CP: variants seen among roughly 807,000 people sequenced by gnomAD.
CP encodes ceruloplasmin.
A neutral mutation model predicts 122.4 loss-of-function variants in CP; 64 were observed. The ratio of observed to expected loss-of-function variants is 0.52; its 90% CI spans 0.43 to 0.64. CP has a LOEUF of 0.64. Ranked by LOEUF, CP falls within the 30% of genes least tolerant of loss-of-function variation. CP has a pLI of 0.00. For synonymous variants in CP, 440 were observed against 436.4 expected, an observed-to-expected ratio of 1.01 and a Z score of -0.10; for missense variants, 1,167 against 1,284.4, an observed-to-expected ratio of 0.91 and a Z score of 1.40.
intron 7 of CP, 72 bp from the exon 8 acceptor site, chr3:149,199,936 TTTG>T: frequency 6.7e-7 from 1 of 1,490,338 alleles, no homozygotes; most frequent in Non-Finnish European, 9.3e-7. Flanking sequence ...AGTTATCTTC[TTTG>T]ACTGTGTTCT....
intron 1 of CP, among the ~76,000 whole-genome samples, chr3:149,219,482 T>C (rs1031498547): frequency 3.9e-5 from 6 of 152,172 alleles, no homozygotes; most frequent in African/African-American, 1.4e-4. Flanking sequence ...TCTCATGAGA[T>C]CTGATGGTTT....
chr3:149,179,583 A>G lies in CP; in HGVS notation c.2634T>C (p.Ala878=). The G allele has an allele frequency of 1.2e-6, 2 of 1,613,778 alleles. No homozygotes were observed. Among genetic ancestry groups the G allele is most frequent in the African/African-American group, 2.7e-5 (2 of 75,028 alleles). Residue 878 remains alanine, a synonymous_variant, in exon 15 of 19, where the codon GCT becomes GCC. Coordinates refer to ENST00000264613, the MANE Select transcript of CP (RefSeq NM_000096.4). ...GTEDSACIPW[A]YYSTVDQVKD... is the part of the protein sequence containing the mutation. ...TAACTTGATCCACAGTTGAATAATA[A>G]GCCCATGGAATACAAGCAGAATCCT...
intron 9 of CP, among the ~76,000 whole-genome samples, chr3:149,196,955 A>G (rs1057272393): frequency 2.0e-5 from 3 of 152,128 alleles, no homozygotes; most frequent in South Asian, 2.1e-4. Flanking sequence ...CACAAAAGAA[A>G]TGTAAATGGC....
intron 18 of CP, among the ~76,000 whole-genome samples, chr3:149,174,457 A>G (rs2108205797): frequency 6.6e-6 from 1 of 152,334 alleles, no homozygotes; most frequent in East Asian, 1.9e-4. Flanking sequence ...GAGATAGGGA[A>G]AAGAATGAGA....
intron 1 of CP, among the ~76,000 whole-genome samples, chr3:149,216,708 C>T (rs1450607369): frequency 6.6e-6 from 1 of 152,164 alleles, no homozygotes; most frequent in Non-Finnish European, 1.5e-5. Context: ...CGGTTCTAAC[C>T]AGCCTTCCTC....
At chr3:149,199,670 T>G (rs757228211) in intron 8 of CP, 42 bp downstream of exon 8, 22 of 1,611,754 alleles carry the variant, frequency 1.4e-5, no homozygotes, top group African/African-American at 2.7e-5. Context: ...TACAGTGGGT[T>G]ATTAAACATT....
At chr3:149,183,169 A>C (rs988414142) in intron 13 of CP, among the ~76,000 whole-genome samples, 7 of 152,166 alleles carry the variant, frequency 4.6e-5, no homozygotes, top group Admixed American at 4.6e-4. Flanking sequence ...ATTTCATTAG[A>C]AAATAGTTTC....
chr3:149,167,789 A>C (rs754939789), downstream of CP: 3 of 752,264 alleles, frequency 4.0e-6, no homozygotes, highest in Non-Finnish European at 7.3e-6. Context: ...AGACAAAATG[A>C]TGTATTTTTG....
intron 9 of CP, among the ~76,000 whole-genome samples, chr3:149,192,981 T>TAC (rs3070607): frequency 0.68 from 100,508 of 148,674 alleles, 35,254 homozygotes; most frequent in East Asian, 0.88. Flanking sequence ...TGATCCTGTA[T>TAC]ACACACACAC....
intron 9 of CP, among the ~76,000 whole-genome samples, chr3:149,196,695 C>T (rs897033403): frequency 3.3e-5 from 5 of 152,010 alleles, no homozygotes; most frequent in African/African-American, 9.7e-5. Flanking sequence ...TGTAACACAC[C>T]ACATATGCTT....
At chr3:149,219,868 G>A (rs917918101) in intron 1 of CP, among the ~76,000 whole-genome samples, 1 of 148,790 alleles carries the variant, frequency 6.7e-6, no homozygotes, top group Non-Finnish European at 1.5e-5. Context: ...TGACAGGAAG[G>A]TATGGGAAAG....
intron 9 of CP, among the ~76,000 whole-genome samples, chr3:149,195,997 C>T (rs868408398): frequency 2.0e-5 from 3 of 152,036 alleles, no homozygotes; most frequent in Admixed American, 1.3e-4. Context: ...TGAATTAACC[C>T]GTATATCCAG....
At chr3:149,180,890 C>T (rs1440898341) in intron 14 of CP, among the ~76,000 whole-genome samples, 1 of 152,142 alleles carries the variant, frequency 6.6e-6, no homozygotes, top group African/African-American at 2.4e-5. Flanking sequence ...TCCTCTCTTC[C>T]CTAACACTCC....
At chr3:149,199,419 CT>C (rs1685924940) in intron 8 of CP, among the ~76,000 whole-genome samples, 3 of 152,050 alleles carry the variant, frequency 2.0e-5, no homozygotes, top group Non-Finnish European at 1.5e-5. Flanking sequence ...CTTATAAGAA[CT>C]TTTTTAAAAA....
In CP at chr3:149,206,118, TG is replaced by T. The variant is rs371908601; in HGVS notation, c.1208+49del. 2.5e-5 allele frequency: 39 copies of T among 1,565,840 alleles called. No homozygotes were observed. The East Asian group carries it at 4.3e-4, about 17-fold the overall frequency. On this transcript the variant is annotated intron_variant, in intron 6 of 18. Coordinates refer to ENST00000264613, the MANE Select transcript of CP (RefSeq NM_000096.4). ...CTGAATTAGCCTTTTGTAGTTCCTT[TG>T]TGCGGGGGAGAGCATATTTTGAAAT... is the stretch of plus-strand genomic sequence containing the variant.
intron 6 of CP, among the ~76,000 whole-genome samples, chr3:149,203,614 G>GCTCCC (rs1727499658): frequency 6.6e-6 from 1 of 152,212 alleles, no homozygotes; most frequent in African/African-American, 2.4e-5. Context: ...AACAAAGTTG[G>GCTCCC]TATTATTCTC....
chr3:149,176,702 T>A, intron 17 of CP: 1 of 356,666 alleles, frequency 2.8e-6, no homozygotes, highest in Non-Finnish European at 5.2e-6. Context: ...CTGTTTGTCA[T>A]AGCACTTAAG....
downstream of CP, chr3:149,171,996 C>A: frequency 8.2e-7 from 1 of 1,224,352 alleles, no homozygotes; most frequent in South Asian, 1.2e-5. Flanking sequence ...TGAGCCACCA[C>A]GCCTGGCCTG....
chr3:149,215,919 G>T lies in CP; in HGVS notation c.147-3221C>A, dbSNP rs373709450. On this transcript the variant is annotated intron_variant, in intron 1 of 18. Coordinates refer to ENST00000264613, the MANE Select transcript of CP (RefSeq NM_000096.4). Reference sequence around the variant, plus strand: ...AGAAAAGCCCGCTCCTATAATTTCTGGTAGTCTTAGACCCAGAAATGAGTT... The same window carrying T: ...AGAAAAGCCCGCTCCTATAATTTCTTGTAGTCTTAGACCCAGAAATGAGTT... 4.6e-5 allele frequency among the ~76,000 whole-genome samples: 7 copies of T among 152,058 alleles called. No individual in the cohort carries two copies. In the East Asian group the frequency reaches 1.2e-3, roughly 25 times the overall value.
Sources: gnomAD v4.1 joint callset for allele counts (sites outside exome capture counted in the v4.1 genomes callset) on GRCh38, gnomAD v4.1.1 for gene constraint, MANE v1.5 for transcripts, NCBI Gene and HGNC (gene_info 2026-07-23, HGNC 2026-07-21) for gene names.